Variants in ANKMY1 observed in about 807,000 individuals in gnomAD.
ANKMY1 encodes the protein ankyrin repeat and MYND domain-containing protein 1.
Under a neutral mutation model 102.0 loss-of-function variants are expected in ANKMY1, and 98 were observed. That is an observed-to-expected ratio of 0.96 (90% CI 0.82 to 1.14). The LOEUF (loss-of-function observed/expected upper bound fraction) is 1.14. Among genes scored for constraint, ANKMY1 ranks in the 50% most tolerant of loss-of-function variants. ANKMY1 has a pLI of 0.00. For missense variants in ANKMY1, 1,330 were observed against 1,347.6 expected (o/e 0.99, Z 0.20); for synonymous variants, 582 against 559.9 (o/e 1.04, Z -0.56).
intron 4 of ANKMY1, among the ~76,000 whole-genome samples, chr2:240,551,332 C>T (rs1441067040): frequency 6.6e-6 from 1 of 152,120 alleles, no homozygotes; most frequent in Non-Finnish European, 1.5e-5. Flanking sequence ...AATTTTTAAA[C>T]TATTTGTGAA....
intron 5 of ANKMY1, chr2:240,527,256 A>ATGGTTGGTTG (rs2083730465): frequency 5.1e-5 from 1 of 19,586 alleles, no homozygotes; most frequent in Non-Finnish European, 1.1e-4. Context: ...GATGGATGAA[A>ATGGTTGGTTG]GATGCATGAA....
intron 12 of ANKMY1, chr2:240,507,895 G>T: frequency 1.9e-6 from 1 of 518,406 alleles, no homozygotes. Context: ...GGCGGGGAGG[G>T]GTCCCATGGC....
chr2:240,488,623 T>G (rs1159605477), intron 15 of ANKMY1, among the ~76,000 whole-genome samples: 1 of 152,240 alleles, frequency 6.6e-6, no homozygotes, highest in Non-Finnish European at 1.5e-5. Context: ...TTTCCATTTT[T>G]TTGTGTGTCC....
intron 15 of ANKMY1, among the ~76,000 whole-genome samples, chr2:240,488,420 T>C (rs1316265373): frequency 6.6e-6 from 1 of 152,246 alleles, no homozygotes; most frequent in Non-Finnish European, 1.5e-5. Flanking sequence ...TCTAGCTTTG[T>C]TCTTTTTGTT....
intron 4 of ANKMY1, among the ~76,000 whole-genome samples, chr2:240,546,172 CCCT>C (rs759822454): frequency 5.9e-5 from 9 of 152,166 alleles, no homozygotes; most frequent in Non-Finnish European, 1.2e-4. Flanking sequence ...TCGGCAGAAA[CCCT>C]ACAAGCCAGA....
At chr2:240,533,922 G>A (rs190905016) in intron 4 of ANKMY1, among the ~76,000 whole-genome samples, 174 of 152,304 alleles carry the variant, frequency 1.1e-3, no homozygotes, top group African/African-American at 4.1e-3. Context: ...GCTTTCCACA[G>A]TTTCAGTTAC....
At chr2:240,560,412 A>G (rs1465659680), upstream of ANKMY1, 1 of 314,642 alleles carries the variant, frequency 3.2e-6, no homozygotes, top group Middle Eastern at 9.0e-4. Flanking sequence ...GCGCCCGGGG[A>G]CAGAGAACAT....
Position 240,520,559 on chromosome 2 carries a change from C to T in ANKMY1, c.1833-26G>A, listed in dbSNP as rs907171048. 57 of 1,597,704 alleles carry T rather than the reference C, an allele frequency of 3.6e-5. No individual in the cohort carries two copies. Among genetic ancestry groups the T allele is most frequent in the Admixed American group, 5.1e-5 (3 of 58,564 alleles). ...CTGAAAAAGACGGTGCGCCCGTGGG[C>T]CCCTGGAGGGCAGGCACCTGCACTG... On this transcript the variant is annotated intron_variant, in intron 8 of 17. Coordinates refer to ENST00000401804, the MANE Select transcript of ANKMY1 (RefSeq NM_001282771.3). This position sits in a 1 kb window ranked among gnomAD's most constrained non-coding sequence, Gnocchi z 4.8.
Position 240,516,163 on chromosome 2 carries a change from T to G in ANKMY1, c.2005-3221A>C, listed in dbSNP as rs1248174078. On this transcript the variant is annotated intron_variant, in intron 9 of 17. Coordinates refer to ENST00000401804, the MANE Select transcript of ANKMY1 (RefSeq NM_001282771.3). Reference sequence around the variant, plus strand: ...GGTTTTTGTGGGGTTTTTTTTTTTTTGAAATATTTGAATTATTTTGGCTAA... The same window carrying G: ...GGTTTTTGTGGGGTTTTTTTTTTTTGGAAATATTTGAATTATTTTGGCTAA... 2.6e-5 allele frequency among the ~76,000 whole-genome samples: 4 copies of G among 151,244 alleles called. No individual in the cohort carries two copies. The East Asian group carries it at 7.7e-4, about 29-fold the overall frequency.
At chr2:240,512,321 C>T (rs75104094) in intron 10 of ANKMY1, among the ~76,000 whole-genome samples, 10,839 of 152,286 alleles carry the variant, frequency 0.071, 474 homozygotes, top group South Asian at 0.15. Context: ...CTGAAAGCCT[C>T]AGAGCTCCTG....
chr2:240,556,139 C>A (rs1266319747), intron 2 of ANKMY1, among the ~76,000 whole-genome samples: 3 of 152,166 alleles, frequency 2.0e-5, no homozygotes, highest in Admixed American at 6.5e-5. Flanking sequence ...TGGGCTCCAT[C>A]TTCACCACCC....
At chr2:240,492,880 A>G (rs561489926) in intron 15 of ANKMY1, among the ~76,000 whole-genome samples, 1 of 152,250 alleles carries the variant, frequency 6.6e-6, no homozygotes, top group African/African-American at 2.4e-5. Flanking sequence ...AGTAGAGACA[A>G]GGTTTCACCA....
At position 240,554,896 on chromosome 2, in the gene ANKMY1, T is replaced by C. The variant is rs770988175; in HGVS notation, c.306A>G (p.Gly102=). 5.0e-6 allele frequency: 8 copies of C among 1,614,092 alleles called. No individual in the cohort carries two copies. Among genetic ancestry groups the C allele is most frequent in the Non-Finnish European group, 4.2e-6 (5 of 1,180,004 alleles). ...CTGTGGGCCAAGAGAATTTGCCATATCCAAGCTTCATGTTCAACCCAAACT... is the reference window on the plus strand; with the variant it reads ...CTGTGGGCCAAGAGAATTTGCCATACCCAAGCTTCATGTTCAACCCAAACT... The part of the protein sequence containing the change: ...QGEFGLNMKL[G]YGKFSWPTGE... Residue 102 remains glycine, a synonymous_variant, in exon 3 of 18, where the codon GGA becomes GGG. Transcript: ENST00000401804.
intron 9 of ANKMY1, among the ~76,000 whole-genome samples, chr2:240,517,753 C>T (rs1376288332): frequency 6.6e-6 from 1 of 152,046 alleles, no homozygotes; most frequent in Non-Finnish European, 1.5e-5. Flanking sequence ...CTGCAGTGAG[C>T]CATGATTATA....
At chr2:240,538,146 G>A (rs1477646470) in intron 4 of ANKMY1, among the ~76,000 whole-genome samples, 1 of 152,190 alleles carries the variant, frequency 6.6e-6, no homozygotes, top group African/African-American at 2.4e-5. Context: ...GCTCACTCTC[G>A]GCGCCTCCTC....
At chr2:240,551,209 A>AT (rs2091465461) in intron 4 of ANKMY1, among the ~76,000 whole-genome samples, 1 of 151,504 alleles carries the variant, frequency 6.6e-6, no homozygotes, top group Non-Finnish European at 1.5e-5. Context: ...AGTCAGGATA[A>AT]TTTTTTTCTT....
chr2:240,560,884 G>C (rs759454501), upstream of ANKMY1: 3 of 1,506,984 alleles, frequency 2.0e-6, no homozygotes, highest in South Asian at 3.7e-5. Flanking sequence ...GCAGAGCTGC[G>C]CGTGCCCGTG....
rs1025300380 is a variant in ANKMY1, at chr2:240,499,121, G to T, written c.2806+837C>A. On this transcript the variant is annotated intron_variant, in intron 15 of 17. Transcript: ENST00000401804. This position sits in a 1 kb window ranked among gnomAD's most constrained non-coding sequence, Gnocchi z 4.2. ...GCACCTGGGGTGTTGCTCAGTGGGG[G>T]ACTGTGTGAGGCTGCAGGAGGCTAC... Among the ~76,000 whole-genome samples the T allele has an allele frequency of 6.6e-6, 1 of 152,162 alleles. No homozygotes were observed. Among genetic ancestry groups the T allele is most frequent in the Non-Finnish European group, 1.5e-5 (1 of 68,020 alleles).
At chr2:240,536,126 C>T (rs1279222561) in intron 4 of ANKMY1, among the ~76,000 whole-genome samples, 1 of 151,902 alleles carries the variant, frequency 6.6e-6, no homozygotes, top group East Asian at 1.9e-4. Context: ...GAGGAAATCA[C>T]AACAGAAATG....
Sources: allele counts gnomAD v4.1 joint callset (sites outside exome capture counted in the v4.1 genomes callset), GRCh38; gene constraint gnomAD v4.1.1; non-coding constraint Gnocchi (gnomAD v3.1); transcripts MANE v1.5; gene names NCBI Gene and HGNC (gene_info 2026-07-23, HGNC 2026-07-21).